Variants in BCL2L1 observed in about 807,000 individuals in gnomAD.
BCL2L1 encodes bcl-2-like protein 1.
A neutral mutation model predicts 18.7 loss-of-function variants in BCL2L1; 1 was observed. The observed-to-expected ratio is 0.05, with a 90% CI of 0.02 to 0.25. The LOEUF (loss-of-function observed/expected upper bound fraction) is 0.25. BCL2L1 is among the 10% of genes least tolerant of loss of function. BCL2L1 has a pLI of 1.00. For synonymous variants in BCL2L1, 103 were observed against 122.7 expected, an observed-to-expected ratio of 0.84 and a Z score of 1.06; for missense variants, 207 against 304.9, an observed-to-expected ratio of 0.68 and a Z score of 2.39.
chr20:31,681,718 GC>G (rs1350234910), intron 2 of BCL2L1, among the ~76,000 whole-genome samples: 1 of 152,244 alleles, frequency 6.6e-6, no homozygotes, highest in Non-Finnish European at 1.5e-5. Context: ...GGAGTTGCCT[GC>G]CCTCTTGGCC....
intron 2 of BCL2L1, among the ~76,000 whole-genome samples, chr20:31,712,232 C>T (rs1425806869): frequency 2.0e-5 from 3 of 152,166 alleles, no homozygotes; most frequent in South Asian, 2.1e-4. Context: ...GCGCACTGGA[C>T]GAGGGAACAC....
intron 2 of BCL2L1, among the ~76,000 whole-genome samples, chr20:31,695,929 C>T (rs1227426242): frequency 6.6e-6 from 1 of 152,148 alleles, no homozygotes; most frequent in Non-Finnish European, 1.5e-5. Flanking sequence ...TTCCCTATAT[C>T]ACTAAATACT....
chr20:31,713,578 T>TACC (rs2061484286), intron 2 of BCL2L1: 3 of 985,344 alleles, frequency 3.0e-6, no homozygotes, highest in Non-Finnish European at 3.6e-6. Flanking sequence ...GAGTTCACTG[T>TACC]AAGGCTCAAG....
chr20:31,715,002 C>T (rs892592924), intron 2 of BCL2L1, among the ~76,000 whole-genome samples: 11 of 152,152 alleles, frequency 7.2e-5, no homozygotes, highest in South Asian at 2.1e-4. Context: ...AGGCCTGGCA[C>T]GGTGGCTCAC....
intron 2 of BCL2L1, among the ~76,000 whole-genome samples, chr20:31,693,949 C>A (rs1480817049): frequency 2.6e-5 from 4 of 151,808 alleles, no homozygotes; most frequent in East Asian, 1.9e-4. Flanking sequence ...TGATAAATTT[C>A]TTTAAAAAAA....
chr20:31,678,588 G>C (rs2060801694), intron 2 of BCL2L1, among the ~76,000 whole-genome samples: 1 of 152,182 alleles, frequency 6.6e-6, no homozygotes, highest in Admixed American at 6.5e-5. Context: ...AGGAGAACTT[G>C]TTGCCACAAA....
At chr20:31,691,816 T>G (rs2061080668) in intron 2 of BCL2L1, among the ~76,000 whole-genome samples, 2 of 152,188 alleles carry the variant, frequency 1.3e-5, no homozygotes, top group African/African-American at 4.8e-5. Flanking sequence ...CAGCCCCACT[T>G]GTAATCTGAG....
At chr20:31,668,863 C>T (rs2060626314) in intron 2 of BCL2L1, among the ~76,000 whole-genome samples, 1 of 152,064 alleles carries the variant, frequency 6.6e-6, no homozygotes, top group Non-Finnish European at 1.5e-5. Flanking sequence ...CCTCGGCCTC[C>T]CAAAGTGCTG....
chr20:31,665,918 T>TG lies in BCL2L1; in HGVS notation c.*30dup. Reference sequence around the variant, plus strand: ...GGATGTGGTGGAGCAGAGAAGGGGGTGGGAGGGTAGAGTGGATGGTCAGTG... The same window carrying TG: ...GGATGTGGTGGAGCAGAGAAGGGGGTGGGGAGGGTAGAGTGGATGGTCAGTG... On this transcript the variant is annotated 3_prime_UTR_variant, in exon 3 of 3. Coordinates refer to ENST00000307677, the MANE Select transcript of BCL2L1 (RefSeq NM_138578.3). The TG allele has an allele frequency of 6.2e-7, 1 of 1,600,090 alleles. No homozygotes were observed. Among genetic ancestry groups the TG allele is most frequent in the Non-Finnish European group, 8.5e-7 (1 of 1,173,090 alleles).
intron 2 of BCL2L1, chr20:31,720,724 C>T (rs6121199): frequency 2.0e-6 from 2 of 984,050 alleles, no homozygotes; most frequent in African/African-American, 3.5e-5. Context: ...GTAACCCAGC[C>T]TGTCCAAGGT....
At chr20:31,675,613 C>T (rs2122493205) in intron 2 of BCL2L1, among the ~76,000 whole-genome samples, 1 of 152,238 alleles carries the variant, frequency 6.6e-6, no homozygotes, top group African/African-American at 2.4e-5. Flanking sequence ...CCCACGGAAA[C>T]ATAGGCCTGG....
chr20:31,692,547 A>G (rs1347316241), intron 2 of BCL2L1, among the ~76,000 whole-genome samples: 1 of 151,860 alleles, frequency 6.6e-6, no homozygotes, highest in Non-Finnish European at 1.5e-5. Context: ...AGGCTGAGGC[A>G]GGCAGATCAC....
At chr20:31,671,266 C>T (rs758720359) in intron 2 of BCL2L1, among the ~76,000 whole-genome samples, 15 of 152,046 alleles carry the variant, frequency 9.9e-5, no homozygotes, top group Non-Finnish European at 1.8e-4. Flanking sequence ...GTAGAGCCTA[C>T]ACTAGAAAAC....
At chr20:31,720,642 A>G in intron 2 of BCL2L1, 1 of 983,824 alleles carries the variant, frequency 1.0e-6, no homozygotes, top group African/African-American at 1.7e-5. Flanking sequence ...ATTATCGCCA[A>G]GATTTACAAT....
At chr20:31,722,441 T>C (rs2061651516) in intron 1 of BCL2L1, 93 bp from the exon 2 acceptor site, 1 of 399,680 alleles carries the variant, frequency 2.5e-6, no homozygotes, top group South Asian at 9.1e-5. Context: ...TTGTGGGTCT[T>C]ACGAAGGTCT....
chr20:31,668,320 T>C (rs1393634182), intron 2 of BCL2L1, among the ~76,000 whole-genome samples: 2 of 147,838 alleles, frequency 1.4e-5, no homozygotes, highest in African/African-American at 2.5e-5. Context: ...ATTTTTCTTC[T>C]CAGTTTTTTT....
At chr20:31,669,671 C>A (rs2060637642) in intron 2 of BCL2L1, among the ~76,000 whole-genome samples, 1 of 151,782 alleles carries the variant, frequency 6.6e-6, no homozygotes, top group Non-Finnish European at 1.5e-5. Flanking sequence ...AACTCCTGAC[C>A]TCAAGTGATC....
chr20:31,695,093 C>A (rs1299987318), intron 2 of BCL2L1, among the ~76,000 whole-genome samples: 1 of 152,190 alleles, frequency 6.6e-6, no homozygotes, highest in African/African-American at 2.4e-5. Flanking sequence ...CAGCAAACAT[C>A]AGCAAATCCA....
intron 2 of BCL2L1, among the ~76,000 whole-genome samples, chr20:31,721,121 CA>C (rs1173484844): frequency 9.2e-5 from 14 of 152,222 alleles, no homozygotes; most frequent in African/African-American, 3.1e-4. Context: ...TGCCTATGGC[CA>C]TGCCCTAGTC....
Sources: gnomAD v4.1 joint callset for allele counts (sites outside exome capture counted in the v4.1 genomes callset) on GRCh38, gnomAD v4.1.1 for gene constraint, MANE v1.5 for transcripts, NCBI Gene and HGNC (gene_info 2026-07-23, HGNC 2026-07-21) for gene names.